GYG1: variants seen among roughly 807,000 people sequenced by gnomAD.
The protein encoded by GYG1 is glycogenin-1.
In GYG1, 44 loss-of-function variants were observed where a neutral mutation model predicts 41.9. The ratio of observed to expected loss-of-function variants is 1.05; its 90% confidence interval spans 0.83 to 1.35. The LOEUF is 1.35. Ranked by LOEUF, GYG1 falls within the 40% of genes most tolerant of loss-of-function variation. The pLI is 0.00. For synonymous variants in GYG1, 141 were observed against 158.1 expected (o/e 0.89, Z 0.81); for missense variants, 429 against 418.9 (o/e 1.02, Z -0.21).
intron 4 of GYG1, chr3:149,004,072 T>G (rs1354321086): frequency 6.6e-6 from 1 of 152,226 alleles, no homozygotes; most frequent in Admixed American, 6.5e-5. Context: ...GCATTTGCAT[T>G]TGGGCAGCCG....
chr3:149,017,093 C>G (rs889330366), intron 5 of GYG1, among the ~76,000 whole-genome samples: 4 of 152,224 alleles, frequency 2.6e-5, no homozygotes, highest in African/African-American at 9.6e-5. Flanking sequence ...CTGTTCTAAA[C>G]AGTTCTGTAG....
intron 4 of GYG1, among the ~76,000 whole-genome samples, chr3:149,006,961 C>G (rs1184990335): frequency 2.6e-5 from 4 of 152,160 alleles, no homozygotes; most frequent in Non-Finnish European, 5.9e-5. Flanking sequence ...TTTGTCTTAG[C>G]CTATTCAGGC....
At chr3:149,006,371 G>A (rs1713406760) in intron 4 of GYG1, among the ~76,000 whole-genome samples, 6 of 152,096 alleles carry the variant, frequency 3.9e-5, no homozygotes, top group Admixed American at 3.9e-4. Flanking sequence ...GTGAGCCACT[G>A]CGCCTGGCCC....
chr3:149,014,339 A>G (rs1576548948), intron 5 of GYG1, among the ~76,000 whole-genome samples: 1 of 151,942 alleles, frequency 6.6e-6, no homozygotes, highest in East Asian at 1.9e-4. Flanking sequence ...TCCATATCGG[A>G]CCCAACCCAG....
chr3:149,010,327 C>CT (rs11480779), intron 5 of GYG1, among the ~76,000 whole-genome samples: 9,764 of 129,406 alleles, frequency 0.075, 429 homozygotes, highest in African/African-American at 0.1. Context: ...TGGTGCAGTT[C>CT]TTTTTTTTTT....
chr3:149,023,878 G>A (rs962197352), intron 5 of GYG1, among the ~76,000 whole-genome samples, 175 bp from the exon 6 acceptor site: 1 of 136,596 alleles, frequency 7.3e-6, no homozygotes, highest in Admixed American at 7.4e-5. Flanking sequence ...GGAGGCTAAG[G>A]GTGGGAAGTT....
At chr3:149,015,480 A>G (rs1191035612) in intron 5 of GYG1, among the ~76,000 whole-genome samples, 3 of 152,224 alleles carry the variant, frequency 2.0e-5, no homozygotes, top group Non-Finnish European at 4.4e-5. Context: ...GTGGGAACTC[A>G]GGGAAGTGTG....
At chr3:149,010,380 T>G (rs1444240384) in intron 5 of GYG1, among the ~76,000 whole-genome samples, 1 of 143,378 alleles carries the variant, frequency 7.0e-6, no homozygotes, top group African/African-American at 2.6e-5. Context: ...CAGGCTGGAG[T>G]GCAGTGGCAT....
intron 4 of GYG1, chr3:149,008,136 T>C (rs1039579067): frequency 6.6e-6 from 1 of 152,200 alleles, no homozygotes; most frequent in Non-Finnish European, 1.5e-5. Flanking sequence ...ATAGGGGTAA[T>C]GTGGCCTTCT....
chr3:148,996,993 T>A, intron 4 of GYG1, 89 bp downstream of exon 4: 1 of 1,010,636 alleles, frequency 9.9e-7, no homozygotes, highest in Non-Finnish European at 1.6e-6. Flanking sequence ...CTGTGGTTTA[T>A]TCTGCCTGGA....
At chr3:149,020,913 CT>C (rs1461433496) in intron 5 of GYG1, among the ~76,000 whole-genome samples, 2 of 152,110 alleles carry the variant, frequency 1.3e-5, no homozygotes, top group East Asian at 3.9e-4. Flanking sequence ...TTCTTATGTA[CT>C]CTGTTTCGGT....
chr3:149,001,139 GC>G (rs1213747542), intron 4 of GYG1: 2 of 152,154 alleles, frequency 1.3e-5, no homozygotes, highest in Non-Finnish European at 2.9e-5. Flanking sequence ...AACCAAATGA[GC>G]TGAGAGATTT....
intron 5 of GYG1, among the ~76,000 whole-genome samples, chr3:149,016,085 C>G (rs1000786087): frequency 6.6e-6 from 1 of 151,620 alleles, no homozygotes; most frequent in African/African-American, 2.4e-5. Context: ...ACAGTGAAAC[C>G]CCGTCTCTAC....
At chr3:148,993,806 G>T (rs767482364) in intron 1 of GYG1, among the ~76,000 whole-genome samples, 1 of 152,176 alleles carries the variant, frequency 6.6e-6, no homozygotes, top group Admixed American at 6.5e-5. Flanking sequence ...AACAGCAAAT[G>T]TACTACTTGA....
intron 5 of GYG1, among the ~76,000 whole-genome samples, chr3:149,022,588 C>T (rs1175076492): frequency 2.8e-5 from 4 of 145,078 alleles, no homozygotes; most frequent in East Asian, 2.1e-4. Flanking sequence ...CTCCGACTCC[C>T]GGGTTCAAGG....
rs959149036 is a variant in GYG1, at chr3:149,027,889, G to A, written c.*956G>A. Among the ~76,000 whole-genome samples the A allele has an allele frequency of 1.3e-5, 2 of 152,098 alleles. No homozygotes were observed. Among genetic ancestry groups the A allele is most frequent in the Non-Finnish European group, 2.9e-5 (2 of 68,006 alleles). On this transcript the variant is annotated 3_prime_UTR_variant, in exon 8 of 8. Coordinates refer to ENST00000345003, the MANE Select transcript of GYG1 (RefSeq NM_004130.4). The stretch of plus-strand genomic sequence containing the variant: ...CCACACTGCACCTCTCTATTAAGTG[G>A]GTATTTAGCTATTTAGAATATTTTA...
intron 5 of GYG1, among the ~76,000 whole-genome samples, chr3:149,012,170 G>A (rs914770875): frequency 6.6e-6 from 1 of 151,074 alleles, no homozygotes; most frequent in Non-Finnish European, 1.5e-5. Flanking sequence ...ATATAAAATT[G>A]TAGTCCAAAT....
chr3:149,013,287 A>G (rs1713842564), intron 5 of GYG1, among the ~76,000 whole-genome samples: 1 of 152,204 alleles, frequency 6.6e-6, no homozygotes, highest in Non-Finnish European at 1.5e-5. Context: ...TCATCCAGAT[A>G]GCATATAGTA....
intron 2 of GYG1, 54 bp from the exon 3 acceptor site, chr3:148,996,248 G>A: frequency 7.8e-7 from 1 of 1,286,460 alleles, no homozygotes; most frequent in Non-Finnish European, 1.1e-6. Flanking sequence ...CAGCAGATGG[G>A]TCACTTGTTC....
Sources: allele counts gnomAD v4.1 joint callset (sites outside exome capture counted in the v4.1 genomes callset), GRCh38; gene constraint gnomAD v4.1.1; transcripts MANE v1.5; gene names NCBI Gene and HGNC (gene_info 2026-07-23, HGNC 2026-07-21).